Variants in AVEN observed in about 807,000 individuals in gnomAD.
AVEN encodes apoptosis and caspase activation inhibitor, also known as cell death regulator Aven.
Under a neutral mutation model 38.1 loss-of-function variants are expected in AVEN, and 41 were observed. The observed-to-expected ratio is 1.08, with a 90% CI of 0.84 to 1.40. AVEN has a LOEUF of 1.40. Among genes scored for constraint, AVEN ranks in the 40% most tolerant of loss-of-function variants. The pLI is 0.00. For missense variants in AVEN, 605 were observed against 438.8 expected, an observed-to-expected ratio of 1.38 and a Z score of -3.38; for synonymous variants, 206 against 171.8, an observed-to-expected ratio of 1.20 and a Z score of -1.56.
intron 1 of AVEN, among the ~76,000 whole-genome samples, chr15:34,073,701 A>C (rs1311264706): frequency 6.6e-6 from 1 of 151,116 alleles, no homozygotes; most frequent in East Asian, 2.0e-4. Context: ...TTGTATTTTT[A>C]GTAGAGATGG....
intron 2 of AVEN, among the ~76,000 whole-genome samples, chr15:33,960,581 C>T (rs1895124455): frequency 6.6e-6 from 1 of 152,100 alleles, no homozygotes; most frequent in Non-Finnish European, 1.5e-5. Flanking sequence ...AAAAGAACTT[C>T]TTAAAAAATA....
the AVEN span, chr15:33,852,761 G>T: frequency 3.0e-6 from 1 of 336,084 alleles, no homozygotes; most frequent in South Asian, 3.5e-5. Context: ...AACTGTCTCT[G>T]TCTAATCTGT....
At chr15:34,043,756 T>A (rs1243170480), upstream of AVEN, among the ~76,000 whole-genome samples, 1 of 152,202 alleles carries the variant, frequency 6.6e-6, no homozygotes, top group Non-Finnish European at 1.5e-5. Flanking sequence ...TTCTCCTCTC[T>A]CCTTCCACCC....
At chr15:34,029,002 C>T (rs1032297148) in intron 1 of AVEN, among the ~76,000 whole-genome samples, 1 of 152,126 alleles carries the variant, frequency 6.6e-6, no homozygotes, top group Non-Finnish European at 1.5e-5. Flanking sequence ...TTATTTACTA[C>T]CTTGAAATAA....
chr15:33,999,458 A>T (rs553112054), intron 2 of AVEN, among the ~76,000 whole-genome samples: 1 of 152,266 alleles, frequency 6.6e-6, no homozygotes, highest in East Asian at 1.9e-4. Flanking sequence ...TTCTGACTGC[A>T]ACAGGTATCA....
intron 1 of AVEN, among the ~76,000 whole-genome samples, chr15:34,020,776 G>C (rs569048263): frequency 1.2e-3 from 189 of 152,256 alleles, no homozygotes; most frequent in African/African-American, 4.4e-3. Flanking sequence ...TAAGACACAA[G>C]ATATAATCTC....
intron 2 of AVEN, among the ~76,000 whole-genome samples, chr15:33,892,408 G>C (rs1312223013): frequency 6.6e-6 from 1 of 152,172 alleles, no homozygotes; most frequent in Non-Finnish European, 1.5e-5. Context: ...TCTGTATAAA[G>C]TGTAAGGAAG....
intron 4 of AVEN, among the ~76,000 whole-genome samples, 175 bp downstream of exon 4, chr15:33,870,760 A>G (rs946192481): frequency 1.3e-5 from 2 of 152,222 alleles, no homozygotes; most frequent in Non-Finnish European, 2.9e-5. Context: ...ATAAAAAAGT[A>G]ACTTCAAAAA....
intron 5 of AVEN, among the ~76,000 whole-genome samples, chr15:34,061,860 C>T (rs1900343518): frequency 6.6e-6 from 1 of 152,166 alleles, no homozygotes; most frequent in African/African-American, 2.4e-5. Flanking sequence ...TGGCTCACAA[C>T]GGCACCTCAG....
At chr15:33,924,296 G>A (rs912699544) in intron 2 of AVEN, among the ~76,000 whole-genome samples, 11 of 151,522 alleles carry the variant, frequency 7.3e-5, no homozygotes, top group African/African-American at 9.7e-5. Context: ...TTTGAACCCC[G>A]GAGGTGGAGG....
rs867128838 is a variant in AVEN, at chr15:34,020,297, C to A, written c.268-17088G>T. Among the ~76,000 whole-genome samples the A allele has an allele frequency of 1.2e-4, 17 of 145,462 alleles. No individual in the cohort carries two copies. The South Asian group carries it at 3.8e-3, about 33-fold the overall frequency. ...CTGCACTCTAGCCTGGGTGACCGAG[C>A]GAGACTCCATCTCAAAAAAAAAAGA... On this transcript the variant is annotated intron_variant, in intron 1 of 5. Coordinates refer to ENST00000306730, the MANE Select transcript of AVEN (RefSeq NM_020371.3).
rs769849459 is a variant in AVEN at position 34,003,224 on chromosome 15, G to T, written c.268-15C>A. On this transcript the variant is annotated splice_polypyrimidine_tract_variant and intron_variant, in intron 1 of 5. Transcript: ENST00000306730. ...TCATCTTCAACCTGCAATCATTAGA[G>T]ACAAATCAATAAGTAAGCAGTGGAA... 50 of 1,611,674 alleles carry T rather than the reference G, an allele frequency of 3.1e-5. No homozygotes were observed. Among genetic ancestry groups the T allele is most frequent in the Middle Eastern group, 1.6e-4 (1 of 6,074 alleles).
intron 11 of AVEN, chr15:33,860,718 A>AT: frequency 1.6e-6 from 2 of 1,274,788 alleles, no homozygotes; most frequent in Non-Finnish European, 2.2e-6. Flanking sequence ...AAGCAAATAG[A>AT]TTTTTTAAAC....
intron 2 of AVEN, among the ~76,000 whole-genome samples, chr15:33,942,875 A>T (rs1040171786): frequency 6.6e-6 from 1 of 152,244 alleles, no homozygotes; most frequent in Non-Finnish European, 1.5e-5. Flanking sequence ...CTGCCACAAA[A>T]ATCATGATTT....
At chr15:33,949,190 AT>A (rs1381698241) in intron 2 of AVEN, among the ~76,000 whole-genome samples, 10 of 151,208 alleles carry the variant, frequency 6.6e-5, no homozygotes, top group Admixed American at 1.3e-4. Context: ...CGCCCGGCTA[AT>A]TTTTTGCATT....
At chr15:33,932,574 C>A (rs192803829) in intron 2 of AVEN, among the ~76,000 whole-genome samples, 1 of 152,176 alleles carries the variant, frequency 6.6e-6, no homozygotes, top group African/African-American at 2.4e-5. Context: ...CGCCTGTAAT[C>A]CCAGCACTTT....
At chr15:34,062,774 C>T (rs778087279) in intron 5 of AVEN, 27 of 1,613,962 alleles carry the variant, frequency 1.7e-5, no homozygotes, top group Non-Finnish European at 2.3e-5. Flanking sequence ...CAGTAAATCA[C>T]CAGCCTTTGG....
chr15:33,995,543 T>C (rs1314367141), intron 2 of AVEN, among the ~76,000 whole-genome samples: 3 of 152,136 alleles, frequency 2.0e-5, no homozygotes, highest in East Asian at 1.9e-4. Context: ...AAGGGAAAAC[T>C]TTTGAGTCCT....
chr15:33,983,930 G>GAA (rs11353733), intron 2 of AVEN, among the ~76,000 whole-genome samples: 10 of 143,092 alleles, frequency 7.0e-5, no homozygotes, highest in African/African-American at 2.5e-4. Flanking sequence ...GCCTCATCAT[G>GAA]AAAAAAAAAA....
Sources: allele counts gnomAD v4.1 joint callset (sites outside exome capture counted in the v4.1 genomes callset), GRCh38; gene constraint gnomAD v4.1.1; transcripts MANE v1.5; gene names NCBI Gene and HGNC (gene_info 2026-07-23, HGNC 2026-07-21).